RIF1: variants seen among roughly 807,000 people sequenced by gnomAD.
RIF1 encodes the protein telomere-associated protein RIF1.
RIF1 carries 45 observed loss-of-function variants against 247.1 expected under a neutral mutation model. That is an observed-to-expected ratio of 0.18 (90% confidence interval 0.14 to 0.23). The LOEUF (loss-of-function observed/expected upper bound fraction) is 0.23. RIF1 is among the 10% of genes least tolerant of loss of function. RIF1 has a pLI of 1.00. For missense variants in RIF1, 2,967 were observed against 2,862.5 expected, an observed-to-expected ratio of 1.04 and a Z score of -0.83; for synonymous variants, 1,087 against 978.8, an observed-to-expected ratio of 1.11 and a Z score of -2.06.
chr2:151,415,769 C>T (rs1038882889), intron 4 of RIF1, among the ~76,000 whole-genome samples: 9 of 150,862 alleles, frequency 6.0e-5, no homozygotes, highest in South Asian at 2.1e-4. Flanking sequence ...CCCAGCTACT[C>T]GGGAGGCTGA....
downstream of RIF1, among the ~76,000 whole-genome samples, chr2:151,509,294 C>T (rs946702122): frequency 6.0e-5 from 9 of 150,070 alleles, no homozygotes; most frequent in Non-Finnish European, 1.2e-4. Context: ...GAAAAAGTCA[C>T]CTGGATGACT....
the RIF1 span, chr2:151,530,911 A>G: frequency 3.5e-6 from 3 of 852,388 alleles, no homozygotes; most frequent in Admixed American, 4.8e-5. Context: ...TTACACAGGA[A>G]TAGATAACTG....
chr2:151,428,591 T>C (rs965980228), intron 8 of RIF1, among the ~76,000 whole-genome samples, 193 bp from the exon 9 acceptor site: 3 of 152,230 alleles, frequency 2.0e-5, no homozygotes, highest in Non-Finnish European at 4.4e-5. Flanking sequence ...TTTATTTTCT[T>C]ATATTCCTAA....
chr2:151,465,952 T>C lies in RIF1; in HGVS notation c.6432T>C (p.Ser2144=), dbSNP rs753383231. 3.1e-6 allele frequency: 5 copies of C among 1,614,124 alleles called. No individual in the cohort carries two copies. Among genetic ancestry groups the C allele is most frequent in the Non-Finnish European group, 3.4e-6 (4 of 1,179,982 alleles). The change falls in exon 30 of 36, where the codon TCT becomes TCC. Residue 2144 remains serine, a synonymous_variant. Coordinates refer to ENST00000444746, the MANE Select transcript of RIF1 (RefSeq NM_018151.5). Reference sequence around the variant, plus strand: ...TAATAATAGAAGACAATAATGCATCTCCTCAAAAACTAAGGGAACTTGATC... The same window carrying C: ...TAATAATAGAAGACAATAATGCATCCCCTCAAAAACTAAGGGAACTTGATC... ...SELIIEDNNA[S]PQKLRELDPS... is the part of the protein sequence containing the mutation.
At chr2:151,486,037 T>TCTG, downstream of RIF1, 1 of 1,215,696 alleles carries the variant, frequency 8.2e-7, no homozygotes, top group East Asian at 2.5e-5. Flanking sequence ...CAAACTTAAG[T>TCTG]TGAACAAAAG....
downstream of RIF1, chr2:151,486,013 C>T (rs1219788282): frequency 2.1e-6 from 3 of 1,409,562 alleles, no homozygotes; most frequent in Non-Finnish European, 3.0e-6. Context: ...TAAGATCTCT[C>T]ATGACTGACT....
At position 151,462,173 on chromosome 2, in the gene RIF1, A is replaced by G. The variant is rs1696287944; in HGVS notation, c.3228-69A>G. ...CAGGCGTGAGCCACCGTACCTGGCC[A>G]TAAGTTTAATTTCTAATTGTAAGAA... On this transcript the variant is annotated intron_variant, in intron 27 of 35. Transcript: ENST00000444746. 7.0e-6 allele frequency: 8 copies of G among 1,148,090 alleles called. No homozygotes were observed. In the East Asian group the frequency reaches 1.3e-4, roughly 18 times the overall value. 71.1% of individuals were successfully genotyped at this position (1,148,090 alleles called of 1,614,324 possible). A position where few individuals can be genotyped will look rare whatever the true frequency, so the allele number is the denominator to read the frequency against.
chr2:151,530,742 C>A, the RIF1 span: 2 of 367,992 alleles, frequency 5.4e-6, no homozygotes, highest in South Asian at 1.5e-4. Flanking sequence ...CAATGGCTAG[C>A]CATGGGAGTG....
chr2:151,505,414 G>A (rs527330600), intron 12 of RIF1: 20 of 1,333,142 alleles, frequency 1.5e-5, no homozygotes, highest in East Asian at 4.6e-5. Flanking sequence ...AGATGAGAGA[G>A]CACCAGGGTA....
intron 27 of RIF1, among the ~76,000 whole-genome samples, chr2:151,461,553 G>A (rs961138924): frequency 6.6e-6 from 1 of 151,774 alleles, no homozygotes; most frequent in African/African-American, 2.4e-5. Context: ...CACCACGCCC[G>A]GCTAATTTTT....
chr2:151,520,512 T>C, the RIF1 span, among the ~76,000 whole-genome samples: 1 of 152,226 alleles, frequency 6.6e-6, no homozygotes, highest in Non-Finnish European at 1.5e-5. Flanking sequence ...AGTTGCTCAA[T>C]AAATGTGATT....
intron 10 of RIF1, chr2:151,498,372 C>A: frequency 1.3e-6 from 2 of 1,504,396 alleles, no homozygotes; most frequent in Admixed American, 2.1e-5. Context: ...GAGAAAGCAT[C>A]CAGAACAAAA....
At chr2:151,499,529 G>T (rs2062843777) in exon 11 of RIF1, 1 of 592,404 alleles carries the variant, frequency 1.7e-6, no homozygotes, top group Non-Finnish European at 3.0e-6. Context: ...CTCTGTTCAG[G>T]CACAGATCTG....
At chr2:151,503,532 TAAA>T in intron 12 of RIF1, 1 of 784,934 alleles carries the variant, frequency 1.3e-6, no homozygotes, top group Non-Finnish European at 2.2e-6. Context: ...GGGAAACTCA[TAAA>T]AACAATCTAG....
Position 151,490,489 on chromosome 2 carries a change from A to G in RIF1, c.*416-4740A>G, listed in dbSNP as rs748186794. 14 of 1,609,396 alleles carry G rather than the reference A, an allele frequency of 8.7e-6. No homozygotes were observed. Among genetic ancestry groups the G allele is most frequent in the East Asian group, 2.2e-5 (1 of 44,740 alleles). ...ATGCTTAGTGCACTGGCAGATCGTG[A>G]CTGCTCCCGGCTCCGGCGCTGAGCT... On this transcript the variant is annotated intron_variant and NMD_transcript_variant, in intron 9 of 13. Transcript: ENST00000454583.
At chr2:151,412,350 G>A (rs1686400584) in intron 3 of RIF1, among the ~76,000 whole-genome samples, 1 of 150,412 alleles carries the variant, frequency 6.6e-6, no homozygotes, top group South Asian at 2.1e-4. Flanking sequence ...TTTTATTTTT[G>A]TTTTTAATTT....
intron 34 of RIF1, among the ~76,000 whole-genome samples, chr2:151,472,280 C>T (rs1484304537): frequency 2.6e-5 from 4 of 152,082 alleles, no homozygotes; most frequent in South Asian, 2.1e-4. Context: ...GCTGAGACAA[C>T]GGGGTTTTCT....
chr2:151,412,291 C>CT (rs1306853069), intron 3 of RIF1, among the ~76,000 whole-genome samples: 1 of 149,352 alleles, frequency 6.7e-6, no homozygotes. Flanking sequence ...ACCTTGTTCT[C>CT]TTTTTTTAAT....
At chr2:151,498,573 G>T (rs192031676) in intron 10 of RIF1, among the ~76,000 whole-genome samples, 1 of 152,212 alleles carries the variant, frequency 6.6e-6, no homozygotes, top group Non-Finnish European at 1.5e-5. Context: ...GGAAAAGAAA[G>T]GTTGTTATTT....
Sources: gnomAD v4.1 joint callset for allele counts (sites outside exome capture counted in the v4.1 genomes callset) on GRCh38, gnomAD v4.1.1 for gene constraint, MANE v1.5 for transcripts, NCBI Gene and HGNC (gene_info 2026-07-23, HGNC 2026-07-21) for gene names.